PID1: variants seen among roughly 807,000 people sequenced by gnomAD.
PID1 encodes the protein phosphotyrosine interaction domain containing 1, also known as PTB-containing, cubilin and LRP1-interacting protein.
A neutral mutation model predicts 19.1 loss-of-function variants in PID1; 10 were observed. The observed-to-expected ratio is 0.52, with a 90% CI of 0.32 to 0.89. The LOEUF is 0.89. Among genes scored for constraint, PID1 ranks in the 40% least tolerant of loss-of-function variants. The pLI, the probability that PID1 is intolerant of heterozygous loss-of-function variation, is 0.03. For missense variants in PID1, 248 were observed against 285.3 expected, an observed-to-expected ratio of 0.87 and a Z score of 0.94; for synonymous variants, 130 against 116.0, an observed-to-expected ratio of 1.12 and a Z score of -0.78.
At chr2:229,070,214 A>T (rs4973154) in intron 2 of PID1, among the ~76,000 whole-genome samples, 8,923 of 152,294 alleles carry the variant, frequency 0.059, 486 homozygotes, top group Admixed American at 0.18. Context: ...GTTTGTAAAA[A>T]TTGTATATTA....
intron 1 of PID1, among the ~76,000 whole-genome samples, chr2:229,191,002 T>C (rs1221102075): frequency 2.0e-5 from 3 of 152,198 alleles, no homozygotes; most frequent in Admixed American, 6.5e-5. Context: ...TTGAGGAGTA[T>C]GTTACTAGGG....
rs571537297 is a variant in PID1, at chr2:229,238,461, G to C, written c.30+32553C>G. Reference sequence around the variant, plus strand: ...AAAGAGAGAAACTTTTGAAAGAAAAGAGGCCATAGTGGCTCTAGCAGCGCA... The same window carrying C: ...AAAGAGAGAAACTTTTGAAAGAAAACAGGCCATAGTGGCTCTAGCAGCGCA... On this transcript the variant is annotated intron_variant, in intron 1 of 2. Transcript: ENST00000392055. 8.5e-4 allele frequency among the ~76,000 whole-genome samples: 129 copies of C among 152,248 alleles called. 2 individuals are homozygous for C. The highest frequency in any genetic ancestry group is 3.0e-3 in the African/African-American group (125 of 41,556).
intron 1 of PID1, among the ~76,000 whole-genome samples, chr2:229,221,883 T>C (rs922482968): frequency 1.3e-5 from 2 of 152,148 alleles, no homozygotes; most frequent in Non-Finnish European, 2.9e-5. Flanking sequence ...TTCCCACATG[T>C]CCACATCTGA....
intron 2 of PID1, among the ~76,000 whole-genome samples, chr2:229,057,267 A>G (rs1479125537): frequency 1.3e-5 from 2 of 151,942 alleles, no homozygotes; most frequent in Non-Finnish European, 2.9e-5. Flanking sequence ...GTGAAACCCC[A>G]TCTCTACAAA....
chr2:229,164,101 C>T (rs1420923562), intron 1 of PID1, among the ~76,000 whole-genome samples: 1 of 152,132 alleles, frequency 6.6e-6, no homozygotes, highest in Non-Finnish European at 1.5e-5. Context: ...CTTTCCTCTG[C>T]AACTGGCCAT....
chr2:229,266,324 C>T (rs780056707), intron 1 of PID1, among the ~76,000 whole-genome samples: 8 of 152,156 alleles, frequency 5.3e-5, no homozygotes, highest in East Asian at 1.9e-4. Context: ...CCCTAATCAC[C>T]GGCTTTCAAG....
chr2:229,221,152 C>CT (rs1256986253), intron 1 of PID1, among the ~76,000 whole-genome samples: 1 of 152,160 alleles, frequency 6.6e-6, no homozygotes, highest in East Asian at 1.9e-4. Context: ...GGGTGGCCAA[C>CT]TTGTCTTGGT....
chr2:229,150,962 A>G (rs548755459), intron 2 of PID1, among the ~76,000 whole-genome samples: 2 of 152,200 alleles, frequency 1.3e-5, no homozygotes, highest in South Asian at 4.1e-4. Context: ...TTCTGTAAGA[A>G]AAGATAACAT....
At chr2:229,105,645 G>C (rs1179635282) in intron 2 of PID1, among the ~76,000 whole-genome samples, 2 of 152,172 alleles carry the variant, frequency 1.3e-5, no homozygotes, top group African/African-American at 2.4e-5. Context: ...AGAAAGGTCA[G>C]ACCCTGAGCT....
At chr2:229,054,719 TGGGG>T (rs59290972) in intron 2 of PID1, among the ~76,000 whole-genome samples, 1,141 of 17,988 alleles carry the variant, frequency 0.063, 42 homozygotes, top group African/African-American at 0.14. Context: ...TGTGTGTGTG[TGGGG>T]GGGGGGGGGG....
rs117110455 is a variant in PID1, at chr2:229,169,850, A to G, written c.31-13886T>C. 7.5e-4 allele frequency among the ~76,000 whole-genome samples: 114 copies of G among 152,356 alleles called. 2 individuals carry two copies. The East Asian group carries it at 0.018, about 24-fold the overall frequency. On this transcript the variant is annotated intron_variant, in intron 1 of 2. Coordinates refer to ENST00000392055, the MANE Select transcript of PID1 (RefSeq NM_001100818.2). Reference sequence around the variant, plus strand: ...ATTCAGAATAGAAGCAATGTTCCAGATGACTTAGACAAACTCCCTTATTTC... The same window carrying G: ...ATTCAGAATAGAAGCAATGTTCCAGGTGACTTAGACAAACTCCCTTATTTC...
intron 2 of PID1, among the ~76,000 whole-genome samples, chr2:229,057,906 G>A (rs994221892): frequency 2.0e-5 from 3 of 152,132 alleles, no homozygotes; most frequent in Non-Finnish European, 4.4e-5. Flanking sequence ...ATCAGTATTC[G>A]ATACATGTCA....
chr2:229,116,977 TCCTTGGGG>T lies in PID1; in HGVS notation c.177+38833_177+38840del, dbSNP rs1202400707. On this transcript the variant is annotated intron_variant, in intron 2 of 2. Coordinates refer to ENST00000392055, the MANE Select transcript of PID1 (RefSeq NM_001100818.2). ...ACATCTTAAGAAGCCAAACAACTGTTCCTTGGGGCTGCTCCTGGGACCTCTTCGCTTCT... is the reference window on the plus strand; with the variant it reads ...ACATCTTAAGAAGCCAAACAACTGTTCTGCTCCTGGGACCTCTTCGCTTCT... Among the ~76,000 whole-genome samples, 6 of 152,276 alleles carry T rather than the reference TCCTTGGGG, an allele frequency of 3.9e-5. No homozygotes were observed. The East Asian group carries it at 1.2e-3, about 29-fold the overall frequency.
chr2:229,133,987 T>G lies in PID1; in HGVS notation c.177+21831A>C, dbSNP rs1466870322. ...GAGAGAAGGATACATTGTAAAAATT[T>G]TAAAATGCTGAGCAGCAGCCCTGGC... On this transcript the variant is annotated intron_variant, in intron 2 of 2. Transcript: ENST00000392055. 2.0e-5 allele frequency among the ~76,000 whole-genome samples: 3 copies of G among 151,730 alleles called. No individual in the cohort carries two copies. The East Asian group carries it at 5.9e-4, about 30-fold the overall frequency.
intron 2 of PID1, among the ~76,000 whole-genome samples, chr2:229,125,629 C>T (rs1695607994): frequency 6.6e-6 from 1 of 152,132 alleles, no homozygotes; most frequent in African/African-American, 2.4e-5. Flanking sequence ...CCCTCCTTGT[C>T]CTCCTGTGTC....
At chr2:229,093,164 GCT>G in intron 2 of PID1, among the ~76,000 whole-genome samples, 1 of 137,188 alleles carries the variant, frequency 7.3e-6, no homozygotes, top group Non-Finnish European at 1.5e-5. Context: ...ATGGAGTCTC[GCT>G]CTGTCACCCA....
chr2:229,216,968 G>A (rs1177043142), intron 1 of PID1, among the ~76,000 whole-genome samples: 1 of 152,076 alleles, frequency 6.6e-6, no homozygotes, highest in Non-Finnish European at 1.5e-5. Context: ...TTTTATTGGG[G>A]TATAATTTAC....
intron 1 of PID1, among the ~76,000 whole-genome samples, chr2:229,216,399 G>C (rs186927235): frequency 6.6e-6 from 1 of 152,198 alleles, no homozygotes; most frequent in East Asian, 1.9e-4. Flanking sequence ...GTGTTCTGAT[G>C]GTTTTCCTTT....
intron 2 of PID1, among the ~76,000 whole-genome samples, chr2:229,099,298 T>C (rs1338404624): frequency 6.6e-6 from 1 of 152,178 alleles, no homozygotes; most frequent in African/African-American, 2.4e-5. Context: ...CAACACACTC[T>C]GATTTTATGC....
Sources: allele counts gnomAD v4.1 joint callset (sites outside exome capture counted in the v4.1 genomes callset), GRCh38; gene constraint gnomAD v4.1.1; transcripts MANE v1.5; gene names NCBI Gene and HGNC (gene_info 2026-07-23, HGNC 2026-07-21).